LRRFIP1: variants seen among roughly 807,000 people sequenced by gnomAD.
LRRFIP1 encodes the protein leucine-rich repeat flightless-interacting protein 1.
In LRRFIP1, 62 loss-of-function variants were observed where a neutral mutation model predicts 104.4. That is an observed-to-expected ratio of 0.59 (90% CI 0.48 to 0.73). The LOEUF is 0.73. Among genes scored for constraint, LRRFIP1 ranks in the 30% least tolerant of loss-of-function variants. LRRFIP1 has a pLI of 0.00. For synonymous variants in LRRFIP1, 300 were observed against 299.0 expected, an observed-to-expected ratio of 1.00 and a Z score of -0.03; for missense variants, 796 against 824.5, an observed-to-expected ratio of 0.97 and a Z score of 0.42.
rs564649946 is a variant in LRRFIP1 at position 237,717,380 on chromosome 2, T to C, written c.202-382T>C. On this transcript the variant is annotated intron_variant, in intron 3 of 23. Transcript: ENST00000308482. The surrounding 1 kb of genome is among the most constrained non-coding windows in gnomAD (Gnocchi z 4.2). ...GCTCTGAGCTTCTGCTTCTCTTCGATGGTGTTTTATTCCTTCATCGCGTTT... is the reference window on the plus strand; with the variant it reads ...GCTCTGAGCTTCTGCTTCTCTTCGACGGTGTTTTATTCCTTCATCGCGTTT... Among the ~76,000 whole-genome samples, 1 of 152,268 alleles carries C rather than the reference T, an allele frequency of 6.6e-6. No individual in the cohort carries two copies. The highest frequency in any genetic ancestry group is 2.1e-4 in the South Asian group (1 of 4,832).
At chr2:237,768,161 T>A (rs1218281018) in intron 19 of LRRFIP1, 1 of 152,262 alleles carries the variant, frequency 6.6e-6, no homozygotes, top group African/African-American at 2.4e-5. Flanking sequence ...ATTTTCTTCA[T>A]GTCAAATTAT....
chr2:237,668,721 G>T (rs1371316120), intron 1 of LRRFIP1, among the ~76,000 whole-genome samples: 1 of 152,106 alleles, frequency 6.6e-6, no homozygotes, highest in Non-Finnish European at 1.5e-5. Context: ...TTTTCCTGAG[G>T]TTTAGCTTAC....
At chr2:237,746,739 C>T (rs2057918893) in intron 11 of LRRFIP1, among the ~76,000 whole-genome samples, 1 of 152,216 alleles carries the variant, frequency 6.6e-6, no homozygotes, top group South Asian at 2.1e-4. Context: ...GGGCTGCACC[C>T]AACGTGAGAA....
In LRRFIP1 at chr2:237,703,297, C is replaced by T. The variant is rs191719179; in HGVS notation, c.97-5247C>T. On this transcript the variant is annotated intron_variant, in intron 1 of 23. Transcript: ENST00000308482. This position sits in a 1 kb window ranked among gnomAD's most constrained non-coding sequence, Gnocchi z 4.3. Reference sequence around the variant, plus strand: ...CCCTGGCACTGAGCTTGATCCGCTGCAGCCCAGCCCGTTCCTGTCCCCATG... The same window carrying T: ...CCCTGGCACTGAGCTTGATCCGCTGTAGCCCAGCCCGTTCCTGTCCCCATG... Among the ~76,000 whole-genome samples, 236 of 152,320 alleles carry T rather than the reference C, an allele frequency of 1.5e-3. No individual in the cohort carries two copies. The highest frequency in any genetic ancestry group is 6.8e-3 in the Middle Eastern group (2 of 294).
At chr2:237,777,015 A>T (rs2061151253) in intron 23 of LRRFIP1, among the ~76,000 whole-genome samples, 1 of 152,108 alleles carries the variant, frequency 6.6e-6, no homozygotes, top group South Asian at 2.1e-4. Context: ...GTGATCACAC[A>T]TGGGGTATTT....
rs116660856 is a variant in LRRFIP1, at chr2:237,763,210, C to G, written c.1459+3005C>G. 252 of 1,613,996 alleles carry G rather than the reference C, an allele frequency of 1.6e-4. No individual in the cohort carries two copies. In the African/African-American group the frequency reaches 2.8e-3, roughly 18 times the overall value. On this transcript the variant is annotated intron_variant, in intron 19 of 23. Coordinates refer to ENST00000308482, the MANE Select transcript of LRRFIP1 (RefSeq NM_001137550.2). ...GTACAGAAGTAGGTAGGGATCACAA[C>G]GAAGAAGAGGGTGAAGAAACAGGAT...
chr2:237,726,745 C>T (rs911502942), intron 7 of LRRFIP1, among the ~76,000 whole-genome samples: 1 of 152,070 alleles, frequency 6.6e-6, no homozygotes, highest in Non-Finnish European at 1.5e-5. Flanking sequence ...TTTTCTGTCC[C>T]GAGAGCTGGT....
At chr2:237,764,553 A>G (rs2060140504) in intron 19 of LRRFIP1, 1 of 1,025,012 alleles carries the variant, frequency 9.8e-7, no homozygotes, top group Non-Finnish European at 1.2e-6. Flanking sequence ...AATATAATTG[A>G]TATTTAAATT....
At chr2:237,666,791 CTCTTTCTCTT>C (rs1369837236) in intron 1 of LRRFIP1, among the ~76,000 whole-genome samples, 3 of 50,494 alleles carry the variant, frequency 5.9e-5, no homozygotes, top group Non-Finnish European at 9.6e-5. Flanking sequence ...CTCTTTCTTT[CTCTTTCTCTT>C]TCTTTCTCTT....
chr2:237,676,100 A>C (rs2091118029), intron 1 of LRRFIP1, among the ~76,000 whole-genome samples: 2 of 152,224 alleles, frequency 1.3e-5, no homozygotes, highest in South Asian at 4.1e-4. Context: ...CCAAACTGAA[A>C]TTCTGTACAC....
At chr2:237,712,109 G>A (rs1024221043) in intron 2 of LRRFIP1, among the ~76,000 whole-genome samples, 1 of 152,232 alleles carries the variant, frequency 6.6e-6, no homozygotes, top group Non-Finnish European at 1.5e-5. Context: ...AGCTGGGCTT[G>A]GTGCTGTCAC....
At chr2:237,709,932 A>C (rs2150038661) in intron 2 of LRRFIP1, among the ~76,000 whole-genome samples, 1 of 151,580 alleles carries the variant, frequency 6.6e-6, no homozygotes, top group South Asian at 2.1e-4. Context: ...TACTCACTGC[A>C]ACCTCCACCT....
chr2:237,643,224 G>A (rs950053292), intron 1 of LRRFIP1, among the ~76,000 whole-genome samples: 3 of 152,354 alleles, frequency 2.0e-5, no homozygotes, highest in African/African-American at 7.2e-5. Flanking sequence ...TTTTGGCAAC[G>A]CTGTTGCTTT....
chr2:237,769,247 C>T (rs2060430746), intron 19 of LRRFIP1: 1 of 152,426 alleles, frequency 6.6e-6, no homozygotes, highest in Non-Finnish European at 1.5e-5. Context: ...TAAACCCTCC[C>T]CTAGCCGTGG....
intron 1 of LRRFIP1, among the ~76,000 whole-genome samples, chr2:237,663,045 CG>C (rs1575247819): frequency 6.6e-6 from 1 of 152,140 alleles, no homozygotes. Flanking sequence ...CCCTGCCCTG[CG>C]GGAGCCGGCA....
intron 1 of LRRFIP1, among the ~76,000 whole-genome samples, chr2:237,655,782 T>G (rs923751600): frequency 2.6e-5 from 4 of 152,176 alleles, no homozygotes; most frequent in Admixed American, 1.3e-4. Context: ...CCCAACCACA[T>G]GAACAAAAAG....
chr2:237,709,161 A>G (rs1399740339), intron 2 of LRRFIP1, among the ~76,000 whole-genome samples: 1 of 152,174 alleles, frequency 6.6e-6, no homozygotes, highest in Non-Finnish European at 1.5e-5. Flanking sequence ...TCCCTGGGAA[A>G]ATGGCTAGCA....
chr2:237,692,950 T>C (rs1330443877), intron 1 of LRRFIP1, among the ~76,000 whole-genome samples: 1 of 152,140 alleles, frequency 6.6e-6, no homozygotes, highest in Non-Finnish European at 1.5e-5. Context: ...TGGGGTGCTT[T>C]GGAGCACTCA....
intron 11 of LRRFIP1, among the ~76,000 whole-genome samples, chr2:237,739,924 G>A (rs1240414703): frequency 6.6e-6 from 1 of 152,146 alleles, no homozygotes; most frequent in Non-Finnish European, 1.5e-5. Flanking sequence ...TTTAAAGGAA[G>A]AGTTTGCAGG....
Sources: gnomAD v4.1 joint callset for allele counts (sites outside exome capture counted in the v4.1 genomes callset) on GRCh38, gnomAD v4.1.1 for gene constraint, Gnocchi (gnomAD v3.1) non-coding constraint, MANE v1.5 for transcripts, NCBI Gene and HGNC (gene_info 2026-07-23, HGNC 2026-07-21) for gene names.